MTOR: variants seen among roughly 807,000 people sequenced by gnomAD.
The protein encoded by MTOR is serine/threonine-protein kinase mTOR.
Under a neutral mutation model 319.8 loss-of-function variants are expected in MTOR, and 70 were observed. The observed-to-expected ratio is 0.22, with a 90% CI of 0.18 to 0.27. The LOEUF (loss-of-function observed/expected upper bound fraction) is 0.27, where lower values mean the gene tolerates loss of function less well. MTOR is among the 10% of genes least tolerant of loss of function. MTOR has a pLI of 1.00. For missense variants in MTOR, 1,890 were observed against 3,274.4 expected, an observed-to-expected ratio of 0.58 and a Z score of 10.32; for synonymous variants, 1,183 against 1,211.4, an observed-to-expected ratio of 0.98 and a Z score of 0.49.
Position 11,212,968 on chromosome 1 carries a change from G to C in MTOR, c.3286-60C>G. 1 of 1,325,300 alleles carries C rather than the reference G, an allele frequency of 7.5e-7. No individual in the cohort carries two copies. Among genetic ancestry groups the C allele is most frequent in the Non-Finnish European group, 1.1e-6 (1 of 919,496 alleles). 82.1% of individuals were successfully genotyped at this position (1,325,300 alleles called of 1,614,324 possible). On this transcript the variant is annotated intron_variant, in intron 21 of 57. Coordinates refer to ENST00000361445, the MANE Select transcript of MTOR (RefSeq NM_004958.4). This position sits in a 1 kb window ranked among gnomAD's most constrained non-coding sequence, Gnocchi z 4.1. ...TCAGGTCCCAAGTATCTAAGGACAC[G>C]CAGCGGGTGGTGGTGTAGACAATTC... is the stretch of plus-strand genomic sequence containing the variant.
At chr1:11,209,012 G>C (rs1035645092) in intron 25 of MTOR, among the ~76,000 whole-genome samples, 2 of 152,172 alleles carry the variant, frequency 1.3e-5, no homozygotes, top group African/African-American at 4.8e-5. Flanking sequence ...CAACTAGGGG[G>C]CTCACTAGCT....
chr1:11,137,842 T>C (rs574584828), intron 36 of MTOR, among the ~76,000 whole-genome samples: 12 of 152,344 alleles, frequency 7.9e-5, no homozygotes, highest in African/African-American at 2.6e-4. Context: ...TACTTTCCTT[T>C]GCCTCAGGCG....
rs549876685 is a variant in MTOR at position 11,216,336 on chromosome 1, G to A, written c.3031-102C>T. The stretch of plus-strand genomic sequence containing the variant: ...ACAAATAAAGGCAACTATGGAATGG[G>A]TTTCCACACTACACTATCTACTGAG... On this transcript the variant is annotated intron_variant, in intron 19 of 57. Transcript: ENST00000361445. 244 of 779,340 alleles carry A rather than the reference G, an allele frequency of 3.1e-4. 3 individuals are homozygous for A. Among genetic ancestry groups the A allele is most frequent in the South Asian group, 2.3e-3 (148 of 63,472 alleles). The allele number at this position is 779,340 out of a possible 1,614,324, so 48.3% of individuals were successfully genotyped here. A position where few individuals can be genotyped will look rare whatever the true frequency, so the allele number is the denominator to read the frequency against.
At chr1:11,169,965 C>T (rs1397010557) in intron 28 of MTOR, among the ~76,000 whole-genome samples, 1 of 152,160 alleles carries the variant, frequency 6.6e-6, no homozygotes, top group South Asian at 2.1e-4. Flanking sequence ...GTCATCACTG[C>T]GAATTCCCAA....
rs1157270973 is a variant in MTOR, at chr1:11,212,191, G to A, written c.3561+121C>T. The A allele has an allele frequency of 7.9e-7, 1 of 1,273,416 alleles. No individual in the cohort carries two copies. The highest frequency in any genetic ancestry group is 1.1e-6 in the Non-Finnish European group (1 of 922,052). The allele number at this position is 1,273,416 out of a possible 1,614,324, so 78.9% of individuals were successfully genotyped here. On this transcript the variant is annotated intron_variant, in intron 23 of 57. Transcript: ENST00000361445. The surrounding 1 kb of genome is among the most constrained non-coding windows in gnomAD (Gnocchi z 4.1). The stretch of plus-strand genomic sequence containing the variant: ...TGCTGAACACATGAAAAGAAAAAAA[G>A]CAAGTAATTCCACGTTCTCTGATGG...
chr1:11,256,878 C>G (rs775203183), intron 4 of MTOR, 55 bp downstream of exon 4: 2 of 1,536,138 alleles, frequency 1.3e-6, no homozygotes, highest in African/African-American at 2.7e-5. Flanking sequence ...AAAAGACCCC[C>G]CCATGACACC....
chr1:11,198,744 A>G (rs539082465), intron 28 of MTOR, among the ~76,000 whole-genome samples: 21 of 152,356 alleles, frequency 1.4e-4, no homozygotes, highest in African/African-American at 5.1e-4. Context: ...GTCTTAACAG[A>G]GGAGCGAACA....
intron 34 of MTOR, among the ~76,000 whole-genome samples, chr1:11,143,700 C>T (rs768307747): frequency 9.2e-5 from 14 of 152,200 alleles, no homozygotes; most frequent in Admixed American, 2.0e-4. Flanking sequence ...CCTACTGAGA[C>T]GCCTGGAAGC....
At chr1:11,231,555 A>G (rs1230737170) in intron 16 of MTOR, 121 bp from the exon 17 acceptor site, 2 of 1,244,696 alleles carry the variant, frequency 1.6e-6, no homozygotes, top group Non-Finnish European at 2.2e-6. Flanking sequence ...AGAGGTTTCC[A>G]GTAAAGACAC....
intron 31 of MTOR, among the ~76,000 whole-genome samples, chr1:11,147,448 G>T (rs1018564112): frequency 6.6e-6 from 1 of 152,206 alleles, no homozygotes; most frequent in Non-Finnish European, 1.5e-5. Context: ...GGGTGAGTAT[G>T]TATCAAATGC....
intron 26 of MTOR, among the ~76,000 whole-genome samples, chr1:11,202,915 C>CA (rs70977552): frequency 0.55 from 83,978 of 151,472 alleles, 27,247 homozygotes; most frequent in East Asian, 0.8. Context: ...AAAACAAAAA[C>CA]AAAAACAAAA....
chr1:11,181,456 C>G (rs1373647681), intron 28 of MTOR, among the ~76,000 whole-genome samples: 2 of 152,060 alleles, frequency 1.3e-5, no homozygotes, highest in Non-Finnish European at 2.9e-5. Flanking sequence ...ATCCAGGAGG[C>G]GGAGGTTGCA....
chr1:11,123,306 G>C (rs904050629), intron 47 of MTOR, among the ~76,000 whole-genome samples: 1 of 151,712 alleles, frequency 6.6e-6, no homozygotes, highest in African/African-American at 2.4e-5. Context: ...ACCTAGGCTC[G>C]AGCACAGTTG....
intron 47 of MTOR, 36 bp from the exon 48 acceptor site, chr1:11,122,162 A>G: frequency 6.2e-7 from 1 of 1,613,378 alleles, no homozygotes; most frequent in East Asian, 2.2e-5. Context: ...AGTGTACCGT[A>G]AAGAGAGTAT....
At chr1:11,245,823 T>A (rs1180861257) in intron 8 of MTOR, among the ~76,000 whole-genome samples, 2 of 152,064 alleles carry the variant, frequency 1.3e-5, no homozygotes, top group Admixed American at 6.6e-5. Flanking sequence ...GGTGAGAGGA[T>A]CGCTTGAGCT....
intron 25 of MTOR, among the ~76,000 whole-genome samples, chr1:11,206,059 AAAT>A (rs551156123): frequency 3.3e-5 from 5 of 152,336 alleles, no homozygotes; most frequent in Non-Finnish European, 5.9e-5. Flanking sequence ...GAGACAAACT[AAAT>A]AATACCACTG....
In MTOR at chr1:11,213,709, T is replaced by C. The variant is rs551288776; in HGVS notation, c.3118-143A>G. The stretch of plus-strand genomic sequence containing the variant: ...CAACTCCTCACTCCCCTCCTCCCAC[T>C]GGGCCCTTCTTGTGTCCTATGTTGC... On this transcript the variant is annotated intron_variant, in intron 20 of 57. Transcript: ENST00000361445. 3.7e-5 allele frequency: 27 copies of C among 735,762 alleles called. No homozygotes were observed. The South Asian group carries it at 4.6e-4, about 13-fold the overall frequency. 45.6% of individuals were successfully genotyped at this position (735,762 alleles called of 1,614,324 possible). A position where few individuals can be genotyped will look rare whatever the true frequency, so the allele number is the denominator to read the frequency against.
chr1:11,128,700 G>A lies in MTOR; in HGVS notation c.5812-148C>T. ...CCTTTAGTTTCTAAAAGAAAATAAA[G>A]AAAATATGGACACTTGACACTGGGA... On this transcript the variant is annotated intron_variant, in intron 41 of 57. Transcript: ENST00000361445. This position sits in a 1 kb window ranked among gnomAD's most constrained non-coding sequence, Gnocchi z 5.3. 9.6e-7 allele frequency: 1 copy of A among 1,039,092 alleles called. No individual in the cohort carries two copies. The highest frequency in any genetic ancestry group is 1.6e-5 in the African/African-American group (1 of 62,372). The allele number at this position is 1,039,092 out of a possible 1,614,324, so 64.4% of individuals were successfully genotyped here.
chr1:11,221,671 T>C (rs1009342541), intron 19 of MTOR, among the ~76,000 whole-genome samples: 14 of 149,862 alleles, frequency 9.3e-5, no homozygotes, highest in South Asian at 6.3e-4. Context: ...GTGAAAAAGA[T>C]TGGTGCCTGC....
Sources: gnomAD v4.1 joint callset for allele counts (sites outside exome capture counted in the v4.1 genomes callset) on GRCh38, gnomAD v4.1.1 for gene constraint, Gnocchi (gnomAD v3.1) non-coding constraint, MANE v1.5 for transcripts, NCBI Gene and HGNC (gene_info 2026-07-23, HGNC 2026-07-21) for gene names.